Variants in DGKB observed in about 807,000 individuals in gnomAD.
The protein encoded by DGKB is diacylglycerol kinase beta.
A neutral mutation model predicts 114.3 loss-of-function variants in DGKB; 67 were observed. That is an observed-to-expected ratio of 0.59 (90% CI 0.48 to 0.72). The LOEUF is 0.72. Among genes scored for constraint, DGKB ranks in the 30% least tolerant of loss-of-function variants. The pLI is 0.00. For synonymous variants in DGKB, 398 were observed against 323.1 expected (o/e 1.23, Z -2.49); for missense variants, 907 against 975.2 (o/e 0.93, Z 0.93).
intron 2 of DGKB, among the ~76,000 whole-genome samples, chr7:14,831,355 T>C (rs1441745696): frequency 6.6e-6 from 1 of 152,042 alleles, no homozygotes; most frequent in Non-Finnish European, 1.5e-5. Flanking sequence ...CATGTTTCTG[T>C]ACATTTCACA....
At chr7:14,403,316 C>T (rs955640566) in intron 21 of DGKB, among the ~76,000 whole-genome samples, 4 of 151,716 alleles carry the variant, frequency 2.6e-5, no homozygotes, top group Admixed American at 1.3e-4. Context: ...GATACCAGCC[C>T]CTCCTTCCTC....
chr7:14,185,962 G>T (rs1015087620), intron 23 of DGKB, among the ~76,000 whole-genome samples: 5 of 152,114 alleles, frequency 3.3e-5, no homozygotes, highest in African/African-American at 1.2e-4. Flanking sequence ...GCTTAGGCAA[G>T]GATTTCATGA....
At chr7:14,570,287 ACT>A (rs1259415981) in intron 20 of DGKB, among the ~76,000 whole-genome samples, 3 of 151,738 alleles carry the variant, frequency 2.0e-5, no homozygotes, top group South Asian at 4.2e-4. Context: ...TGTTGTTGTT[ACT>A]CTCTGCCATT....
At chr7:14,344,421 A>G (rs1244590573) in intron 22 of DGKB, among the ~76,000 whole-genome samples, 2 of 151,658 alleles carry the variant, frequency 1.3e-5, no homozygotes, top group Non-Finnish European at 3.0e-5. Context: ...GTCCATAACT[A>G]CTTCTGTTTA....
intron 23 of DGKB, among the ~76,000 whole-genome samples, chr7:14,187,674 A>G (rs1783653302): frequency 6.6e-6 from 1 of 152,200 alleles, no homozygotes; most frequent in African/African-American, 2.4e-5. Flanking sequence ...CCAATGCACC[A>G]CATTTAACAC....
intron 13 of DGKB, among the ~76,000 whole-genome samples, chr7:14,647,666 C>T (rs950103571): frequency 4.6e-5 from 7 of 152,072 alleles, no homozygotes; most frequent in East Asian, 1.9e-4. Context: ...AGTAACAGCT[C>T]GGGTCTACAG....
At chr7:14,820,212 T>TA (rs950733376) in intron 2 of DGKB, among the ~76,000 whole-genome samples, 37 of 152,072 alleles carry the variant, frequency 2.4e-4, no homozygotes, top group Admixed American at 8.5e-4. Context: ...CCTAGATCAA[T>TA]AAAAAAACCC....
intron 13 of DGKB, among the ~76,000 whole-genome samples, chr7:14,665,261 T>C (rs985033987): frequency 5.3e-5 from 8 of 151,944 alleles, no homozygotes; most frequent in African/African-American, 1.9e-4. Context: ...GCCATTTTCC[T>C]TAGGAAACTA....
intron 23 of DGKB, among the ~76,000 whole-genome samples, chr7:14,268,229 A>C (rs200314026): frequency 1.3e-5 from 2 of 149,036 alleles, no homozygotes; most frequent in South Asian, 2.1e-4. Flanking sequence ...ACACACACAC[A>C]CCACACACAC....
intron 13 of DGKB, among the ~76,000 whole-genome samples, chr7:14,633,903 T>C (rs1021903602): frequency 6.6e-6 from 1 of 151,696 alleles, no homozygotes; most frequent in African/African-American, 2.4e-5. Flanking sequence ...TTTAAAATTC[T>C]ATTATTCTTA....
intron 20 of DGKB, among the ~76,000 whole-genome samples, chr7:14,558,233 G>A (rs1796152806): frequency 1.3e-5 from 2 of 151,282 alleles, no homozygotes; most frequent in South Asian, 2.1e-4. Context: ...AGCATTGTTA[G>A]TAATGAATTT....
chr7:14,653,717 G>T (rs1292684824), intron 13 of DGKB, among the ~76,000 whole-genome samples: 1 of 151,734 alleles, frequency 6.6e-6, no homozygotes, highest in Non-Finnish European at 1.5e-5. Context: ...TGCAAAGATG[G>T]TTCATATATG....
intron 20 of DGKB, among the ~76,000 whole-genome samples, chr7:14,531,128 A>C (rs745800066): frequency 4.0e-5 from 6 of 151,538 alleles, no homozygotes; most frequent in Non-Finnish European, 8.9e-5. Context: ...TGGTACACCA[A>C]AGGGAATGCT....
At chr7:14,435,798 T>C (rs774012776) in intron 21 of DGKB, among the ~76,000 whole-genome samples, 4 of 152,134 alleles carry the variant, frequency 2.6e-5, no homozygotes, top group Non-Finnish European at 5.9e-5. Context: ...ATTTCTATTA[T>C]AAATTATGTT....
chr7:14,420,188 A>G (rs1826440081), intron 21 of DGKB, among the ~76,000 whole-genome samples: 1 of 151,822 alleles, frequency 6.6e-6, no homozygotes, highest in Non-Finnish European at 1.5e-5. Flanking sequence ...TTTTATATAA[A>G]CAAAATTTTT....
chr7:14,943,453 C>G (rs529359436), intron 1 of DGKB, among the ~76,000 whole-genome samples: 2 of 152,058 alleles, frequency 1.3e-5, no homozygotes, highest in South Asian at 4.1e-4. Flanking sequence ...TCATGGACCA[C>G]TCCACTAGAT....
At chr7:14,370,767 C>A (rs1337113448) in intron 21 of DGKB, among the ~76,000 whole-genome samples, 2 of 152,102 alleles carry the variant, frequency 1.3e-5, no homozygotes, top group African/African-American at 4.8e-5. Flanking sequence ...GATCCTGTCA[C>A]CCAGGTAGTG....
In DGKB at chr7:14,637,300, A is replaced by G. The variant is rs147733653; in HGVS notation, c.1135-7032T>C. ...TTATATATTCCTCAGAAAATTTTAG[A>G]TACAGAAAAAGGTTTTATAAAACAT... On this transcript the variant is annotated intron_variant, in intron 13 of 25. Transcript: ENST00000402815. Among the ~76,000 whole-genome samples, 1,437 of 152,028 alleles carry G rather than the reference A, an allele frequency of 9.5e-3. 24 individuals are homozygous for G. The highest frequency in any genetic ancestry group is 0.033 in the African/African-American group (1,354 of 41,534).
chr7:14,832,096 A>G (rs927828312), intron 2 of DGKB, among the ~76,000 whole-genome samples: 6 of 152,094 alleles, frequency 3.9e-5, no homozygotes, highest in African/African-American at 1.4e-4. Flanking sequence ...TCCACACATT[A>G]TTTTATTTGG....
Sources: allele counts gnomAD v4.1 joint callset (sites outside exome capture counted in the v4.1 genomes callset), GRCh38; gene constraint gnomAD v4.1.1; transcripts MANE v1.5; gene names NCBI Gene and HGNC (gene_info 2026-07-23, HGNC 2026-07-21).